GAD2: variants seen among roughly 807,000 people sequenced by gnomAD.
GAD2 encodes glutamate decarboxylase 2, also known as 65 kDa glutamic acid decarboxylase.
A neutral mutation model predicts 80.1 loss-of-function variants in GAD2; 22 were observed. That is an observed-to-expected ratio of 0.27 (90% CI 0.20 to 0.39). The LOEUF (loss-of-function observed/expected upper bound fraction) is 0.39, where lower values mean the gene tolerates loss of function less well. GAD2 is among the 10% of genes least tolerant of loss of function. The pLI is 1.00. For missense variants in GAD2, 624 were observed against 738.4 expected (o/e 0.85, Z 1.80); for synonymous variants, 274 against 256.9 (o/e 1.07, Z -0.64).
intron 11 of GAD2, 68 bp downstream of exon 11, chr10:26,273,768 C>G (rs1191595733): frequency 2.2e-6 from 3 of 1,361,608 alleles, no homozygotes; most frequent in Non-Finnish European, 3.1e-6. Flanking sequence ...AAATTACAGT[C>G]AATTTCCAGG....
At position 26,238,484 on chromosome 10, in the gene GAD2, A is replaced by G. The variant is rs115316202; in HGVS notation, c.841-7437A>G. On this transcript the variant is annotated intron_variant, in intron 7 of 15. Coordinates refer to ENST00000376261, the MANE Select transcript of GAD2 (RefSeq NM_001134366.2). ...ATGTTCACATTTGTCACTGAAGATC[A>G]TTCTTGGATCTCTTTTCATGTTAAA... is the stretch of plus-strand genomic sequence containing the variant. 6.2e-4 allele frequency among the ~76,000 whole-genome samples: 95 copies of G among 152,360 alleles called. 1 individual carries two copies. The highest frequency in any genetic ancestry group is 2.0e-3 in the African/African-American group (84 of 41,594).
At chr10:26,229,914 G>A in intron 7 of GAD2, 137 bp downstream of exon 7, 3 of 644,974 alleles carry the variant, frequency 4.7e-6, no homozygotes, top group Non-Finnish European at 8.2e-6. Context: ...GGAGAAAGCT[G>A]AGTGGTACTA....
intron 8 of GAD2, among the ~76,000 whole-genome samples, chr10:26,258,641 G>A (rs1474632452): frequency 6.6e-6 from 1 of 151,990 alleles, no homozygotes; most frequent in East Asian, 1.9e-4. Flanking sequence ...TACAGGATTC[G>A]ACTTTTTGTA....
chr10:26,224,105 G>T, intron 5 of GAD2, 128 bp downstream of exon 5: 4 of 632,378 alleles, frequency 6.3e-6, no homozygotes, highest in Non-Finnish European at 1.1e-5. Flanking sequence ...AACTTCTGAA[G>T]TGTGAGTGTT....
At chr10:26,218,128 C>A (rs1844404786) in intron 3 of GAD2, 137 bp downstream of exon 3, 3 of 952,578 alleles carry the variant, frequency 3.1e-6, no homozygotes, top group South Asian at 1.8e-5. Flanking sequence ...CCAGAATCTT[C>A]AGATAAAAGC....
At chr10:26,292,088 G>T (rs565325993) in intron 13 of GAD2, among the ~76,000 whole-genome samples, 2 of 152,260 alleles carry the variant, frequency 1.3e-5, no homozygotes, top group African/African-American at 4.8e-5. Context: ...GGCATTCTGG[G>T]GGGTCTCTGG....
At chr10:26,264,442 G>A (rs1485312223) in intron 8 of GAD2, among the ~76,000 whole-genome samples, 1 of 151,774 alleles carries the variant, frequency 6.6e-6, no homozygotes, top group East Asian at 1.9e-4. Context: ...CAGAGTAGCT[G>A]GGACTACAGG....
chr10:26,292,744 C>T (rs975092067), intron 14 of GAD2, among the ~76,000 whole-genome samples, 158 bp from the exon 15 acceptor site: 5 of 152,206 alleles, frequency 3.3e-5, no homozygotes, highest in African/African-American at 1.2e-4. Context: ...CAAAGTGGTC[C>T]ATATAACGTT....
At chr10:26,232,455 G>T in intron 7 of GAD2, among the ~76,000 whole-genome samples, 2 of 144,280 alleles carry the variant, frequency 1.4e-5, no homozygotes, top group South Asian at 2.2e-4. Flanking sequence ...TCCTGATACT[G>T]TAAACTCAGT....
intron 6 of GAD2, 186 bp downstream of exon 6, chr10:26,224,837 A>G: frequency 1.8e-6 from 1 of 559,920 alleles, no homozygotes; most frequent in Non-Finnish European, 3.2e-6. Context: ...TAAGTAACCC[A>G]TGCTTGAACA....
Position 26,269,295 on chromosome 10 carries a change from G to A in GAD2, c.975+122G>A, listed in dbSNP as rs530742838. Reference sequence around the variant, plus strand: ...AGCCTCAATCTCCCAGGTTTAATGAGAACATAGAATTCTGCATCCAGTCAC... The same window carrying A: ...AGCCTCAATCTCCCAGGTTTAATGAAAACATAGAATTCTGCATCCAGTCAC... On this transcript the variant is annotated intron_variant, in intron 9 of 15. Coordinates refer to ENST00000376261, the MANE Select transcript of GAD2 (RefSeq NM_001134366.2). 1.2e-5 allele frequency: 9 copies of A among 720,404 alleles called. No homozygotes were observed. In the South Asian group the frequency reaches 1.9e-4, roughly 15 times the overall value. 44.6% of individuals were successfully genotyped at this position (720,404 alleles called of 1,614,324 possible). A position where few individuals can be genotyped will look rare whatever the true frequency, so the allele number is the denominator to read the frequency against.
intron 6 of GAD2, among the ~76,000 whole-genome samples, chr10:26,225,043 G>A (rs981499690): frequency 2.6e-5 from 4 of 151,924 alleles, no homozygotes; most frequent in African/African-American, 9.7e-5. Context: ...AGCATTTGCT[G>A]TTCAAGGGTG....
Position 26,270,658 on chromosome 10 carries a change from G to C in GAD2, c.994G>C (p.Val332Leu). 1 of 1,613,804 alleles carries C rather than the reference G, an allele frequency of 6.2e-7. No homozygotes were observed. Among genetic ancestry groups the C allele is most frequent in the Non-Finnish European group, 8.5e-7 (1 of 1,179,734 alleles). Reference protein sequence around the residue: ...AKQKGFVPFLVSATAGTTVYG... With the variant: ...AKQKGFVPFLLSATAGTTVYG... ...CGCACAGGGGTTTGTTCCTTTCCTC[G>C]TGAGTGCCACAGCTGGAACCACCGT... The change falls in exon 10 of 16, where the codon GTG becomes CTG. Residue 332 changes from valine to leucine, a missense_variant. By Grantham distance (32) the Val-to-Leu change is conservative. Transcript: ENST00000376261.
intron 10 of GAD2, among the ~76,000 whole-genome samples, chr10:26,272,129 A>G (rs1845144699): frequency 6.6e-6 from 1 of 152,188 alleles, no homozygotes; most frequent in Non-Finnish European, 1.5e-5. Context: ...CCATTATTCC[A>G]GAGTATTCCT....
At chr10:26,242,224 G>A (rs1844752124) in intron 7 of GAD2, among the ~76,000 whole-genome samples, 2 of 152,182 alleles carry the variant, frequency 1.3e-5, no homozygotes, top group African/African-American at 4.8e-5. Context: ...CTGACCTCGT[G>A]ATCCGCCTGC....
chr10:26,216,736 C>A (rs1212016739), upstream of GAD2: 13 of 1,346,540 alleles, frequency 9.7e-6, no homozygotes, highest in Non-Finnish European at 1.3e-5. This position sits in a 1 kb window ranked among gnomAD's most constrained non-coding sequence, Gnocchi z 4.7. Context: ...CACGCACGCG[C>A]GCGCAGGGCC....
At chr10:26,272,820 C>A (rs1845151523) in intron 10 of GAD2, among the ~76,000 whole-genome samples, 3 of 152,140 alleles carry the variant, frequency 2.0e-5, no homozygotes, top group African/African-American at 7.2e-5. Context: ...GCCAAGATCT[C>A]ACCATTGCAC....
rs1235686175 is a variant in GAD2 at position 26,217,647 on chromosome 10, C to T, written c.114C>T (p.Gly38=). 7.4e-6 allele frequency: 12 copies of T among 1,613,690 alleles called. No homozygotes were observed. The highest frequency in any genetic ancestry group is 1.3e-5 in the African/African-American group (1 of 75,066). The change falls in exon 2 of 16, where the codon GGC becomes GGT. Residue 38 remains glycine (G), a synonymous_variant. Transcript: ENST00000376261. This position sits in a 1 kb window ranked among gnomAD's most constrained non-coding sequence, Gnocchi z 4.9. The stretch of plus-strand genomic sequence containing the variant: ...GCCAAGTGGCTCAGAAGTTCACGGG[C>T]GGCATCGGAAACAAACTGTGCGGTG... The part of the protein sequence containing the change: ...AWCQVAQKFT[G]GIGNKLCALL...
rs117723385 is a variant in GAD2, at chr10:26,228,853, G to A, written c.725-809G>A. On this transcript the variant is annotated intron_variant, in intron 6 of 15. Transcript: ENST00000376261. ...GTGGAAAAATTGTCTTCCACGAAAC[G>A]CATCACTGCTGCCAAAAAGGTTGGA... Among the ~76,000 whole-genome samples, 610 of 151,622 alleles carry A rather than the reference G, an allele frequency of 4.0e-3. 2 individuals are homozygous for A. Among genetic ancestry groups the A allele is most frequent in the Non-Finnish European group, 5.5e-3 (371 of 67,950 alleles).
Sources: allele counts gnomAD v4.1 joint callset (sites outside exome capture counted in the v4.1 genomes callset), GRCh38; gene constraint gnomAD v4.1.1; non-coding constraint Gnocchi (gnomAD v3.1); transcripts MANE v1.5; gene names NCBI Gene and HGNC (gene_info 2026-07-23, HGNC 2026-07-21).